The following TYW1B variants were observed in gnomAD, a reference collection of about 807,000 sequenced individuals.
The protein encoded by TYW1B is S-adenosyl-L-methionine-dependent tRNA 4-demethylwyosine synthase TYW1B.
In TYW1B, 73 loss-of-function variants were observed where a neutral mutation model predicts 86.9. The observed-to-expected ratio is 0.84, with a 90% confidence interval of 0.70 to 1.02. The LOEUF is 1.02. Ranked by LOEUF, TYW1B falls within the 50% of genes least tolerant of loss-of-function variation. The pLI, the probability that TYW1B is intolerant of heterozygous loss-of-function variation, is 0.00. For synonymous variants in TYW1B, 248 were observed against 292.8 expected (o/e 0.85, Z 1.56); for missense variants, 637 against 827.4 (o/e 0.77, Z 2.82).
chr7:72,655,617 G>A (rs1813182696), intron 11 of TYW1B, among the ~76,000 whole-genome samples: 1 of 152,054 alleles, frequency 6.6e-6, no homozygotes, highest in Non-Finnish European at 1.5e-5. Flanking sequence ...GAAACAGATG[G>A]CCAACACACC....
chr7:72,683,296 G>A (rs371992265), intron 11 of TYW1B, among the ~76,000 whole-genome samples: 4 of 152,190 alleles, frequency 2.6e-5, no homozygotes, highest in Admixed American at 6.5e-5. Flanking sequence ...TAGACTGGGC[G>A]CAGTGGCTCA....
intron 13 of TYW1B, among the ~76,000 whole-genome samples, chr7:72,604,906 A>AT (rs1367536095): frequency 6.6e-6 from 1 of 152,176 alleles, no homozygotes; most frequent in African/African-American, 2.4e-5. Context: ...AGCCAAGGTC[A>AT]TTGAGCTTTC....
intron 13 of TYW1B, among the ~76,000 whole-genome samples, chr7:72,615,997 G>A (rs1237321439): frequency 6.6e-6 from 1 of 152,058 alleles, no homozygotes; most frequent in Non-Finnish European, 1.5e-5. Context: ...ATGTTTAATT[G>A]GAGTCCTAGA....
chr7:72,637,562 T>C (rs1210441148), intron 11 of TYW1B, among the ~76,000 whole-genome samples: 1 of 152,144 alleles, frequency 6.6e-6, no homozygotes, highest in African/African-American at 2.4e-5. Flanking sequence ...TTTTGTAAGA[T>C]TTTTTGAATA....
At chr7:72,743,369 G>A (rs1419797330) in intron 8 of TYW1B, among the ~76,000 whole-genome samples, 2 of 152,122 alleles carry the variant, frequency 1.3e-5, no homozygotes, top group Non-Finnish European at 2.9e-5. Flanking sequence ...AAGGAGTGGC[G>A]TCCCCCTTCT....
At chr7:72,703,780 G>A (rs868935153) in intron 10 of TYW1B, among the ~76,000 whole-genome samples, 4 of 151,066 alleles carry the variant, frequency 2.6e-5, no homozygotes, top group Admixed American at 6.6e-5. Context: ...ACTTGAATTC[G>A]AAAGGCAGAG....
intron 11 of TYW1B, among the ~76,000 whole-genome samples, chr7:72,647,246 C>T (rs111626387): frequency 8.0e-3 from 961 of 119,578 alleles, no homozygotes; most frequent in South Asian, 0.015. Context: ...TGTTCGTTGA[C>T]GGTGGGAGTG....
At chr7:72,657,681 ACAAT>A (rs1294498088) in intron 11 of TYW1B, among the ~76,000 whole-genome samples, 14 of 152,342 alleles carry the variant, frequency 9.2e-5, no homozygotes, top group African/African-American at 3.1e-4. Context: ...ATGGGATGAT[ACAAT>A]CAAAGTACTG....
chr7:72,591,788 T>C (rs35915760), intron 13 of TYW1B, among the ~76,000 whole-genome samples: 8 of 152,250 alleles, frequency 5.3e-5, no homozygotes, highest in African/African-American at 1.2e-4. Context: ...TTGATTGTTA[T>C]AGCTTTGTTT....
intron 13 of TYW1B, among the ~76,000 whole-genome samples, chr7:72,612,758 A>T (rs183517351): frequency 6.6e-4 from 99 of 150,322 alleles, no homozygotes; most frequent in Non-Finnish European, 9.6e-4. Context: ...TTATTTATTT[A>T]TTTTTTTTTT....
chr7:72,633,335 G>A (rs1338380912), intron 11 of TYW1B, among the ~76,000 whole-genome samples: 3 of 152,232 alleles, frequency 2.0e-5, no homozygotes, highest in African/African-American at 7.2e-5. Flanking sequence ...TAACACCACT[G>A]GCTTGCCCTT....
At chr7:72,585,480 C>G (rs1811252130) in intron 13 of TYW1B, among the ~76,000 whole-genome samples, 1 of 152,134 alleles carries the variant, frequency 6.6e-6, no homozygotes, top group Non-Finnish European at 1.5e-5. Context: ...TAGGAAAAAG[C>G]CTTTATTAAG....
chr7:72,673,194 T>C (rs1231301481), intron 11 of TYW1B, among the ~76,000 whole-genome samples: 3 of 152,128 alleles, frequency 2.0e-5, no homozygotes, highest in African/African-American at 7.2e-5. Context: ...CACAAATAAC[T>C]ACAGGTTTTG....
chr7:72,721,503 A>C (rs1274370780), intron 9 of TYW1B, among the ~76,000 whole-genome samples: 2 of 152,128 alleles, frequency 1.3e-5, no homozygotes, highest in Non-Finnish European at 2.9e-5. Flanking sequence ...ATAGCCTCTA[A>C]ATTTCTAATG....
intron 10 of TYW1B, among the ~76,000 whole-genome samples, chr7:72,712,036 C>A (rs868990731): frequency 6.6e-6 from 1 of 151,970 alleles, no homozygotes; most frequent in African/African-American, 2.4e-5. Flanking sequence ...TTTGGTGTTA[C>A]AGCATGTGCC....
At chr7:72,667,122 C>A (rs1183392568) in intron 11 of TYW1B, among the ~76,000 whole-genome samples, 1 of 147,960 alleles carries the variant, frequency 6.8e-6, no homozygotes, top group Non-Finnish European at 1.5e-5. Flanking sequence ...ATGTAGAAGA[C>A]TGCTAACAAC....
intron 2 of TYW1B, among the ~76,000 whole-genome samples, chr7:72,821,978 G>A (rs1788835153): frequency 1.3e-5 from 2 of 151,974 alleles, no homozygotes; most frequent in South Asian, 4.2e-4. Flanking sequence ...CAGGCACGTG[G>A]CTCAAGCCTG....
At position 72,654,828 on chromosome 7, in the gene TYW1B, C is replaced by A. The variant is rs571602872; in HGVS notation, c.1507-25831G>T. 3.3e-4 allele frequency among the ~76,000 whole-genome samples: 51 copies of A among 152,240 alleles called. 1 individual carries two copies. The highest frequency in any genetic ancestry group is 1.8e-3 in the Admixed American group (27 of 15,268). ...CCCAGGAGGCAGAGGTTGCAGTGAG[C>A]CGAGATTGTGCCATTGCACTCCAGC... On this transcript the variant is annotated intron_variant, in intron 11 of 13. Coordinates refer to ENST00000620995, the MANE Select transcript of TYW1B (RefSeq NM_001145440.3).
chr7:72,659,619 G>GT (rs1403487511), intron 11 of TYW1B, among the ~76,000 whole-genome samples: 4 of 152,138 alleles, frequency 2.6e-5, no homozygotes, highest in Non-Finnish European at 5.9e-5. Context: ...GTGAATATGT[G>GT]TAAGAGGCAA....
Sources: allele counts gnomAD v4.1 joint callset (sites outside exome capture counted in the v4.1 genomes callset), GRCh38; gene constraint gnomAD v4.1.1; transcripts MANE v1.5; gene names NCBI Gene and HGNC (gene_info 2026-07-23, HGNC 2026-07-21).